Variants in NEDD4L observed in about 807,000 individuals in gnomAD.
NEDD4L encodes E3 ubiquitin-protein ligase NEDD4-like.
A neutral mutation model predicts 148.9 loss-of-function variants in NEDD4L; 54 were observed. That is an observed-to-expected ratio of 0.36 (90% CI 0.29 to 0.45). The LOEUF is 0.45. NEDD4L is among the 20% of genes least tolerant of loss of function. The pLI is 1.00. For synonymous variants in NEDD4L, 433 were observed against 440.7 expected (o/e 0.98, Z 0.22); for missense variants, 856 against 1,233.8 (o/e 0.69, Z 4.59).
chr18:58,275,667 A>G (rs1315367843), intron 5 of NEDD4L, among the ~76,000 whole-genome samples: 1 of 152,180 alleles, frequency 6.6e-6, no homozygotes, highest in African/African-American at 2.4e-5. Flanking sequence ...ACTCACCTGC[A>G]CATCATGGGT....
chr18:58,357,816 A>G (rs1011975007), intron 19 of NEDD4L, among the ~76,000 whole-genome samples: 1 of 152,094 alleles, frequency 6.6e-6, no homozygotes, highest in African/African-American at 2.4e-5. Flanking sequence ...GACCTCTTAA[A>G]ACACCGTAGC....
Position 58,372,846 on chromosome 18 carries a change from A to AAG in NEDD4L, c.2257-318_2257-317dup, listed in dbSNP as rs1555854579. Among the ~76,000 whole-genome samples, 953 of 138,640 alleles carry AAG rather than the reference A, an allele frequency of 6.9e-3. 22 individuals are homozygous for AAG. The highest frequency in any genetic ancestry group is 0.018 in the Middle Eastern group (5 of 276). 91.0% of individuals were successfully genotyped at this position (138,640 alleles called of 152,430 possible). ...TCTCAAAAACAAAAAAAAAAAAAAAAAGAGAGAGAGAAAAGAAAGTATACT... is the reference window on the plus strand; with the variant it reads ...TCTCAAAAACAAAAAAAAAAAAAAAAAGAGAGAGAGAGAAAAGAAAGTATACT... On this transcript the variant is annotated intron_variant, in intron 23 of 30. Coordinates refer to ENST00000400345, the MANE Select transcript of NEDD4L (RefSeq NM_001144967.3).
intron 5 of NEDD4L, among the ~76,000 whole-genome samples, chr18:58,305,849 G>A (rs1289441570): frequency 2.6e-5 from 4 of 152,172 alleles, no homozygotes; most frequent in African/African-American, 4.8e-5. Context: ...TTGTTGTGTC[G>A]GGTGGGGAGG....
intron 2 of NEDD4L, among the ~76,000 whole-genome samples, chr18:58,198,728 A>T (rs1162309234): frequency 6.6e-6 from 1 of 152,252 alleles, no homozygotes; most frequent in Admixed American, 6.5e-5. Context: ...TATTAAACCT[A>T]TACATTACAT....
chr18:58,048,417 C>A (rs916960134), intron 1 of NEDD4L, among the ~76,000 whole-genome samples: 3 of 152,130 alleles, frequency 2.0e-5, no homozygotes, highest in African/African-American at 7.2e-5. Flanking sequence ...TCATTTAGTT[C>A]TCATGAGAAC....
At chr18:58,275,855 GGCATTGAAAGTAGGGGGA>G (rs1220396106) in intron 5 of NEDD4L, among the ~76,000 whole-genome samples, 2 of 152,130 alleles carry the variant, frequency 1.3e-5, no homozygotes, top group Non-Finnish European at 2.9e-5. Flanking sequence ...ATCCCCTATG[GGCATTGAAAGTAGGGGGA>G]GCATTGAAGG....
At chr18:58,055,073 G>T (rs1197456654) in intron 1 of NEDD4L, among the ~76,000 whole-genome samples, 1 of 152,148 alleles carries the variant, frequency 6.6e-6, no homozygotes, top group Admixed American at 6.6e-5. Context: ...CCACGAAGAT[G>T]TCACCAGTAT....
chr18:58,112,871 G>C (rs2085506663), intron 1 of NEDD4L, among the ~76,000 whole-genome samples: 1 of 152,186 alleles, frequency 6.6e-6, no homozygotes, highest in African/African-American at 2.4e-5. Flanking sequence ...AACCCCAATG[G>C]GATGGTATTA....
intron 2 of NEDD4L, among the ~76,000 whole-genome samples, chr18:58,243,043 C>T (rs892094913): frequency 1.3e-5 from 2 of 152,196 alleles, no homozygotes; most frequent in Non-Finnish European, 2.9e-5. Flanking sequence ...CACCCACAGT[C>T]CCCAGCTGCA....
chr18:58,234,063 TTC>T (rs1202067900), intron 2 of NEDD4L, among the ~76,000 whole-genome samples: 5 of 85,570 alleles, frequency 5.8e-5, no homozygotes, highest in African/African-American at 1.5e-4. Context: ...CTTTCTTTCT[TTC>T]TTTCTTTCTT....
chr18:58,327,005 TA>T (rs1338370901), intron 9 of NEDD4L, among the ~76,000 whole-genome samples: 1 of 152,188 alleles, frequency 6.6e-6, no homozygotes, highest in East Asian at 1.9e-4. Flanking sequence ...TAAAGTGATT[TA>T]AAAGAGAAAC....
intron 2 of NEDD4L, among the ~76,000 whole-genome samples, chr18:58,196,460 TA>T (rs992240993): frequency 6.6e-6 from 1 of 152,222 alleles, no homozygotes; most frequent in African/African-American, 2.4e-5. Context: ...TTAGGAACTT[TA>T]AAAAATTGTA....
chr18:58,387,431 T>G lies in NEDD4L; in HGVS notation c.2488-8T>G. Reference sequence around the variant, plus strand: ...AGGTGTTTAAGATGTTTTTTTTTTTTCTTTCAGGGATTCACAGAACTACTT... The same window carrying G: ...AGGTGTTTAAGATGTTTTTTTTTTTGCTTTCAGGGATTCACAGAACTACTT... On this transcript the variant is annotated splice_region_variant and splice_polypyrimidine_tract_variant and intron_variant, in intron 26 of 30. Coordinates refer to ENST00000400345, the MANE Select transcript of NEDD4L (RefSeq NM_001144967.3). The G allele has an allele frequency of 1.3e-6, 2 of 1,531,078 alleles. No homozygotes were observed. The highest frequency in any genetic ancestry group is 1.7e-6 in the Non-Finnish European group (2 of 1,146,266). The allele number at this position is 1,531,078 out of a possible 1,614,324, so 94.8% of individuals were successfully genotyped here.
intron 1 of NEDD4L, among the ~76,000 whole-genome samples, chr18:58,105,492 A>T (rs544812745): frequency 6.6e-6 from 1 of 152,280 alleles, no homozygotes; most frequent in African/African-American, 2.4e-5. Flanking sequence ...AATGAACCTA[A>T]TTATTATGAC....
intron 5 of NEDD4L, among the ~76,000 whole-genome samples, chr18:58,308,112 A>G (rs1285632309): frequency 6.6e-6 from 1 of 152,234 alleles, no homozygotes; most frequent in African/African-American, 2.4e-5. Context: ...ACCCAGTGAC[A>G]CATTTTCCTT....
intron 1 of NEDD4L, among the ~76,000 whole-genome samples, chr18:58,052,995 T>G (rs1409913313): frequency 2.6e-5 from 4 of 152,138 alleles, no homozygotes; most frequent in Non-Finnish European, 5.9e-5. Flanking sequence ...AAACCTGTTC[T>G]GTGAAGGTGG....
At chr18:58,375,078 C>T (rs1298288370) in intron 24 of NEDD4L, among the ~76,000 whole-genome samples, 2 of 152,122 alleles carry the variant, frequency 1.3e-5, no homozygotes, top group African/African-American at 2.4e-5. Flanking sequence ...CCACTGTCCC[C>T]TCCCACCTGA....
intron 5 of NEDD4L, among the ~76,000 whole-genome samples, chr18:58,301,357 G>T (rs554129693): frequency 6.6e-6 from 1 of 152,294 alleles, no homozygotes; most frequent in African/African-American, 2.4e-5. Flanking sequence ...CAATGGGAAG[G>T]TTGAAAGTTA....
Position 58,240,814 on chromosome 18 carries a change from T to TG in NEDD4L, c.123-4613_123-4612insG, listed in dbSNP as rs530682078. 8.5e-3 allele frequency among the ~76,000 whole-genome samples: 1,108 copies of TG among 129,832 alleles called. 16 individuals carry two copies. The highest frequency in any genetic ancestry group is 0.03 in the African/African-American group (1,056 of 34,808). The allele number at this position is 129,832 out of a possible 152,430, so 85.2% of individuals were successfully genotyped here. On this transcript the variant is annotated intron_variant, in intron 2 of 30. Coordinates refer to ENST00000400345, the MANE Select transcript of NEDD4L (RefSeq NM_001144967.3). ...AGGAGGATGATGGCGGCAGCTAACA[T>TG]TTATGTATGTATGTATGTATTTAGA...
Sources: gnomAD v4.1 joint callset for allele counts (sites outside exome capture counted in the v4.1 genomes callset) on GRCh38, gnomAD v4.1.1 for gene constraint, MANE v1.5 for transcripts, NCBI Gene and HGNC (gene_info 2026-07-23, HGNC 2026-07-21) for gene names.